TRAPPC12: variants seen among roughly 807,000 people sequenced by gnomAD.
TRAPPC12 encodes TPR repeat protein 15.
Under a neutral mutation model 69.2 loss-of-function variants are expected in TRAPPC12, and 61 were observed. The observed-to-expected ratio is 0.88, with a 90% CI of 0.72 to 1.09. The LOEUF (loss-of-function observed/expected upper bound fraction) is 1.09, where lower values mean the gene tolerates loss of function less well. Ranked by LOEUF, TRAPPC12 falls within the 50% of genes least tolerant of loss-of-function variation. The pLI, the probability that TRAPPC12 is intolerant of heterozygous loss-of-function variation, is 0.00. For missense variants in TRAPPC12, 1,101 were observed against 1,016.4 expected, an observed-to-expected ratio of 1.08 and a Z score of -1.13; for synonymous variants, 469 against 438.9, an observed-to-expected ratio of 1.07 and a Z score of -0.86.
chr2:3,473,592 G>A (rs1374904173), intron 9 of TRAPPC12, among the ~76,000 whole-genome samples: 2 of 152,226 alleles, frequency 1.3e-5, no homozygotes, highest in African/African-American at 4.8e-5. Context: ...CAATCCTCCC[G>A]CCTCAGCCTC....
Position 3,388,665 on chromosome 2 carries a change from A to G in TRAPPC12, c.1042A>G (p.Ile348Val), listed in dbSNP as rs1318078690. ...LTMPGLRFDN[I>V]QGDAVKDLML... ...CATGCCGGGCCTCAGGTTCGACAAC[A>G]TCCAGGTGAGCCCGGGTCTCCCACC... is the stretch of plus-strand genomic sequence containing the variant. The change falls in exon 2 of 12, where the codon ATC becomes GTC. Residue 348 changes from isoleucine to valine, a missense_variant. By Grantham distance (29) the Ile-to-Val change is conservative (BLOSUM62 3). Coordinates refer to ENST00000324266, the MANE Select transcript of TRAPPC12 (RefSeq NM_016030.6). 1.3e-6 allele frequency: 2 copies of G among 1,551,806 alleles called. No homozygotes were observed. The highest frequency in any genetic ancestry group is 8.7e-7 in the Non-Finnish European group (1 of 1,145,776).
intron 6 of TRAPPC12, 83 bp downstream of exon 6, chr2:3,443,974 C>T (rs1664368550): frequency 2.1e-6 from 2 of 972,758 alleles, no homozygotes; most frequent in Non-Finnish European, 3.2e-6. Flanking sequence ...GTGCTGTTCC[C>T]TGCCCGTCCT....
At chr2:3,424,686 T>A in intron 5 of TRAPPC12, 23 bp downstream of exon 5, 1 of 1,554,506 alleles carries the variant, frequency 6.4e-7, no homozygotes, top group South Asian at 1.2e-5. Flanking sequence ...TATTTAATAT[T>A]TGTACATTTG....
chr2:3,420,628 C>T (rs1375091203), intron 3 of TRAPPC12, among the ~76,000 whole-genome samples: 1 of 152,184 alleles, frequency 6.6e-6, no homozygotes, highest in Non-Finnish European at 1.5e-5. Context: ...CAGCCCCCCA[C>T]ACCGCCGCTG....
chr2:3,415,938 G>C (rs765984932), intron 3 of TRAPPC12, among the ~76,000 whole-genome samples: 9 of 151,122 alleles, frequency 6.0e-5, no homozygotes, highest in African/African-American at 1.9e-4. Context: ...GGATGGTCTC[G>C]ATCTCCTGAC....
chr2:3,447,795 T>G (rs1466558369), intron 6 of TRAPPC12, among the ~76,000 whole-genome samples: 1 of 152,326 alleles, frequency 6.6e-6, no homozygotes, highest in Admixed American at 6.5e-5. Flanking sequence ...CCCTCTGCTC[T>G]CCACTGGTGA....
chr2:3,463,022 T>C (rs752177556), intron 8 of TRAPPC12: 1 of 459,762 alleles, frequency 2.2e-6, no homozygotes, highest in South Asian at 1.6e-5. Context: ...CACGTGTGGC[T>C]GCTGAAAAGA....
intron 3 of TRAPPC12, among the ~76,000 whole-genome samples, chr2:3,411,093 T>C (rs576369693): frequency 6.6e-6 from 1 of 152,336 alleles, no homozygotes; most frequent in South Asian, 2.1e-4. Flanking sequence ...CATCACAGAA[T>C]TGAACATCAG....
In TRAPPC12 at chr2:3,459,820, G is replaced by A. The variant is rs867939788; in HGVS notation, c.1604-443G>A. 2.6e-4 allele frequency: 75 copies of A among 290,076 alleles called. No individual in the cohort carries two copies. The Middle Eastern group carries it at 8.8e-3, about 34-fold the overall frequency. The allele number at this position is 290,076 out of a possible 1,614,324, so 18.0% of individuals were successfully genotyped here. ...AGGGGAGGCCTCATGGCTGGGCATG[G>A]GTGGGGCCCTCCGGGTGGCCTCCCA... On this transcript the variant is annotated intron_variant, in intron 7 of 11. Transcript: ENST00000324266.
intron 6 of TRAPPC12, among the ~76,000 whole-genome samples, chr2:3,451,594 G>A (rs1169733598): frequency 6.6e-6 from 1 of 152,026 alleles, no homozygotes; most frequent in Non-Finnish European, 1.5e-5. Flanking sequence ...CATGAACGTG[G>A]CTCACTGCAG....
chr2:3,408,636 T>A (rs1003524677), intron 3 of TRAPPC12, among the ~76,000 whole-genome samples: 1 of 151,650 alleles, frequency 6.6e-6, no homozygotes, highest in Non-Finnish European at 1.5e-5. Context: ...TCAAAAAAAA[T>A]TTAAAAAAAA....
chr2:3,444,352 C>T (rs900865202), intron 6 of TRAPPC12, among the ~76,000 whole-genome samples: 2 of 152,258 alleles, frequency 1.3e-5, no homozygotes, highest in African/African-American at 4.8e-5. Context: ...ATGATCCTGA[C>T]TGCAAAGGCA....
At chr2:3,453,870 C>T (rs1664984295) in intron 6 of TRAPPC12, among the ~76,000 whole-genome samples, 1 of 152,204 alleles carries the variant, frequency 6.6e-6, no homozygotes, top group South Asian at 2.1e-4. Context: ...AATTAATGTA[C>T]TGTTACTTTA....
At position 3,414,759 on chromosome 2, in the gene TRAPPC12, C is replaced by T. The variant is rs1049656569; in HGVS notation, c.1165-7122C>T. Among the ~76,000 whole-genome samples the T allele has an allele frequency of 1.3e-5, 2 of 151,996 alleles. No individual in the cohort carries two copies. Among genetic ancestry groups the T allele is most frequent in the Non-Finnish European group, 2.9e-5 (2 of 68,008 alleles). On this transcript the variant is annotated intron_variant, in intron 3 of 11. Coordinates refer to ENST00000324266, the MANE Select transcript of TRAPPC12 (RefSeq NM_016030.6). The surrounding 1 kb of genome is among the most constrained non-coding windows in gnomAD (Gnocchi z 4.9). ...ACGTGCATTCCTCTTGTTCATCGTG[C>T]GAGACTCCCCACCCCTGTGCCACCG...
intron 9 of TRAPPC12, among the ~76,000 whole-genome samples, chr2:3,473,925 T>C (rs1666177890): frequency 6.6e-6 from 1 of 152,230 alleles, no homozygotes; most frequent in African/African-American, 2.4e-5. Flanking sequence ...TGTCTTTGGA[T>C]GGTTTAAAAT....
chr2:3,433,175 A>G (rs2103076803), intron 5 of TRAPPC12, among the ~76,000 whole-genome samples: 1 of 152,308 alleles, frequency 6.6e-6, no homozygotes, highest in African/African-American at 2.4e-5. Flanking sequence ...GAGCACAGGC[A>G]AACCAAAGGC....
intron 2 of TRAPPC12, among the ~76,000 whole-genome samples, chr2:3,397,810 A>G (rs1351174567): frequency 6.6e-6 from 1 of 152,190 alleles, no homozygotes; most frequent in Non-Finnish European, 1.5e-5. Flanking sequence ...GCAAAATAAG[A>G]ATGTTGGGAA....
intron 3 of TRAPPC12, among the ~76,000 whole-genome samples, chr2:3,402,844 A>T (rs1661521454): frequency 6.6e-6 from 1 of 152,128 alleles, no homozygotes; most frequent in Non-Finnish European, 1.5e-5. Context: ...TTGTCTCCTT[A>T]GGGGGCTGTG....
intron 7 of TRAPPC12, chr2:3,459,795 AG>A: frequency 3.9e-6 from 1 of 257,184 alleles, no homozygotes; most frequent in South Asian, 4.0e-5. Flanking sequence ...GTCGGGAGGC[AG>A]GGGAGGCCTC....
Sources: allele counts gnomAD v4.1 joint callset (sites outside exome capture counted in the v4.1 genomes callset), GRCh38; gene constraint gnomAD v4.1.1; non-coding constraint Gnocchi (gnomAD v3.1); transcripts MANE v1.5; gene names NCBI Gene and HGNC (gene_info 2026-07-23, HGNC 2026-07-21).